AFF1: variants seen among roughly 807,000 people sequenced by gnomAD.
The protein encoded by AFF1 is ALF transcription elongation factor 1.
AFF1 carries 48 observed loss-of-function variants against 121.7 expected under a neutral mutation model. The ratio of observed to expected loss-of-function variants is 0.39; its 90% CI spans 0.31 to 0.50. AFF1 has a LOEUF of 0.50. Ranked by LOEUF, AFF1 falls within the 20% of genes least tolerant of loss-of-function variation. AFF1 has a pLI of 0.76. For missense variants in AFF1, 1,523 were observed against 1,511.7 expected (o/e 1.01, Z -0.12); for synonymous variants, 613 against 563.0 (o/e 1.09, Z -1.26).
At chr4:86,990,340 G>C (rs1002141514) in intron 2 of AFF1, among the ~76,000 whole-genome samples, 1 of 140,794 alleles carries the variant, frequency 7.1e-6, no homozygotes, top group Non-Finnish European at 1.5e-5. Context: ...AAAAAAAAAA[G>C]ACTGCCTAAC....
chr4:87,061,855 AT>A (rs1337792571), intron 4 of AFF1, among the ~76,000 whole-genome samples: 2 of 151,800 alleles, frequency 1.3e-5, no homozygotes, highest in African/African-American at 4.8e-5. Context: ...CCTTAAAAAA[AT>A]GTGATTGATT....
At chr4:87,065,510 T>TAA (rs35526401) in intron 4 of AFF1, among the ~76,000 whole-genome samples, 2,234 of 145,568 alleles carry the variant, frequency 0.015, 63 homozygotes, top group African/African-American at 0.053. Flanking sequence ...GAGGTGAGGT[T>TAA]AAAAAAAAAA....
At chr4:86,984,933 TAAAAAAGACAA>T (rs1205316701) in intron 2 of AFF1, among the ~76,000 whole-genome samples, 80 of 151,242 alleles carry the variant, frequency 5.3e-4, no homozygotes, top group South Asian at 4.4e-3. Context: ...AAAATAAAAA[TAAAAAAGACAA>T]ATCTTAAAGT....
intron 2 of AFF1, among the ~76,000 whole-genome samples, chr4:86,997,004 C>T (rs1338711260): frequency 2.6e-5 from 4 of 152,294 alleles, no homozygotes; most frequent in Non-Finnish European, 4.4e-5. Context: ...CTCTGCCTCC[C>T]GGGTTCAAGT....
At chr4:87,093,316 T>C (rs1257404828) in intron 7 of AFF1, among the ~76,000 whole-genome samples, 2 of 152,158 alleles carry the variant, frequency 1.3e-5, no homozygotes, top group Non-Finnish European at 2.9e-5. Flanking sequence ...TATTTATCTT[T>C]GTGAGAATGT....
chr4:87,013,029 G>GTTTTTTTT (rs1560539145), intron 2 of AFF1, among the ~76,000 whole-genome samples: 4 of 84,316 alleles, frequency 4.7e-5, no homozygotes, highest in African/African-American at 2.5e-4. Flanking sequence ...CTGCTATCAA[G>GTTTTTTTT]TTCTTTTTTT....
chr4:87,093,272 C>T (rs1724498682), intron 7 of AFF1, among the ~76,000 whole-genome samples: 1 of 152,142 alleles, frequency 6.6e-6, no homozygotes, highest in Admixed American at 6.5e-5. Context: ...ATCTTTTATG[C>T]TGCTGTCACT....
At chr4:86,957,723 A>G (rs892134537) in intron 2 of AFF1, among the ~76,000 whole-genome samples, 2 of 151,708 alleles carry the variant, frequency 1.3e-5, no homozygotes, top group African/African-American at 4.8e-5. Flanking sequence ...TTTATTTTTA[A>G]TAGAGACAGG....
At chr4:86,948,668 A>C in intron 2 of AFF1, 97 bp downstream of exon 2, 4 of 1,206,610 alleles carry the variant, frequency 3.3e-6, no homozygotes, top group Non-Finnish European at 4.6e-6. Flanking sequence ...TTTGCAACTT[A>C]AGAACTCACG....
At chr4:87,007,098 A>ACTGCGC in intron 2 of AFF1, 1 of 1,251,460 alleles carries the variant, frequency 8.0e-7, no homozygotes, top group Non-Finnish European at 1.0e-6. Context: ...CTTCTCAGAA[A>ACTGCGC]CTGCGCCGGG....
intron 1 of AFF1, among the ~76,000 whole-genome samples, chr4:86,941,139 T>C: frequency 6.6e-6 from 1 of 152,136 alleles, no homozygotes; most frequent in East Asian, 1.9e-4. Flanking sequence ...TTATACTGCA[T>C]AGTGAACATG....
At chr4:87,062,331 A>G (rs1205119211) in intron 4 of AFF1, among the ~76,000 whole-genome samples, 3 of 152,168 alleles carry the variant, frequency 2.0e-5, no homozygotes, top group Non-Finnish European at 1.5e-5. Flanking sequence ...AAGAGATGGA[A>G]GAGACTTGCT....
intron 8 of AFF1, among the ~76,000 whole-genome samples, chr4:87,105,405 T>C (rs1725810972): frequency 6.6e-6 from 1 of 152,212 alleles, no homozygotes; most frequent in Non-Finnish European, 1.5e-5. Flanking sequence ...TGCACTTAAC[T>C]GGTTTCTGTG....
At position 87,138,235 on chromosome 4, in the gene AFF1, T is replaced by A. The variant is rs779671549; in HGVS notation, c.*2534T>A. On this transcript the variant is annotated 3_prime_UTR_variant, in exon 21 of 21. Coordinates refer to ENST00000395146, the MANE Select transcript of AFF1 (RefSeq NM_001166693.3). ...TGATGAATCCTTAACGTTCATAGGG[T>A]CTTTTTGCTGTTACGGTTGTATATA... The A allele has an allele frequency of 4.3e-6, 1 of 232,732 alleles. No individual in the cohort carries two copies. Among genetic ancestry groups the A allele is most frequent in the Non-Finnish European group, 8.5e-6 (1 of 117,736 alleles). The allele number at this position is 232,732 out of a possible 1,614,324, so 14.4% of individuals were successfully genotyped here.
chr4:86,981,021 GT>G (rs775135008), intron 2 of AFF1, among the ~76,000 whole-genome samples: 1 of 136,132 alleles, frequency 7.3e-6, no homozygotes, highest in Non-Finnish European at 1.6e-5. Context: ...TTGTTTGTTT[GT>G]TTTGTTTTGA....
chr4:86,983,250 G>GGGC (rs1723916905), intron 2 of AFF1, among the ~76,000 whole-genome samples: 1 of 152,052 alleles, frequency 6.6e-6, no homozygotes, highest in Non-Finnish European at 1.5e-5. Context: ...AACTAAGGCT[G>GGGC]GGCACAGCGG....
chr4:86,982,862 AAAAAAAAAAAAAAG>A (rs1723878995), intron 2 of AFF1, among the ~76,000 whole-genome samples: 1 of 138,388 alleles, frequency 7.2e-6, no homozygotes, highest in African/African-American at 3.0e-5. Context: ...AAAAAAAAAA[AAAAAAAAAAAAAAG>A]GAAGCTTGTT....
chr4:86,951,626 T>TTTTTC (rs1721340328), intron 2 of AFF1, among the ~76,000 whole-genome samples: 1 of 62,294 alleles, frequency 1.6e-5, no homozygotes, highest in African/African-American at 3.7e-5. Flanking sequence ...TTTTTTTCTT[T>TTTTTC]TTTTTTTTTT....
At chr4:87,073,577 G>A (rs1722348803) in intron 4 of AFF1, among the ~76,000 whole-genome samples, 1 of 152,136 alleles carries the variant, frequency 6.6e-6, no homozygotes. Context: ...AGAGGCTGTT[G>A]AGATTACTGC....
Sources: gnomAD v4.1 joint callset for allele counts (sites outside exome capture counted in the v4.1 genomes callset) on GRCh38, gnomAD v4.1.1 for gene constraint, MANE v1.5 for transcripts, NCBI Gene and HGNC (gene_info 2026-07-23, HGNC 2026-07-21) for gene names.